Variants in RAPGEF2 observed in about 807,000 individuals in gnomAD.
The protein encoded by RAPGEF2 is PDZ domain containing guanine nucleotide exchange factor (GEF) 1.
RAPGEF2 carries 54 observed loss-of-function variants against 186.7 expected under a neutral mutation model. The ratio of observed to expected loss-of-function variants is 0.29; its 90% confidence interval spans 0.23 to 0.36. The LOEUF (loss-of-function observed/expected upper bound fraction) is 0.36, where lower values mean the gene tolerates loss of function less well. RAPGEF2 is among the 10% of genes least tolerant of loss of function. The pLI is 1.00. For synonymous variants in RAPGEF2, 712 were observed against 705.9 expected (o/e 1.01, Z -0.14); for missense variants, 1,532 against 2,045.0 (o/e 0.75, Z 4.84).
At chr4:159,327,071 A>C (rs1444638035) in intron 11 of RAPGEF2, 2 of 152,218 alleles carry the variant, frequency 1.3e-5, no homozygotes, top group Non-Finnish European at 2.9e-5. Context: ...TGTAAGAAAC[A>C]GTTTTGGATG....
intron 1 of RAPGEF2, among the ~76,000 whole-genome samples, chr4:159,160,224 C>G (rs2111216231): frequency 2.0e-5 from 3 of 152,288 alleles, no homozygotes; most frequent in Middle Eastern, 6.8e-3. Flanking sequence ...TCTTTCCTAT[C>G]AACAACTGAT....
intron 7 of RAPGEF2, among the ~76,000 whole-genome samples, chr4:159,269,472 G>C (rs1179796578): frequency 6.6e-6 from 1 of 152,072 alleles, no homozygotes; most frequent in Non-Finnish European, 1.5e-5. Flanking sequence ...AGTAGGAAAG[G>C]TTGTTGTAAA....
chr4:159,283,194 A>G (rs1258659553), intron 7 of RAPGEF2, among the ~76,000 whole-genome samples: 3 of 152,166 alleles, frequency 2.0e-5, no homozygotes, highest in Non-Finnish European at 4.4e-5. Context: ...AATGATATAC[A>G]TAGTACCTTT....
intron 2 of RAPGEF2, among the ~76,000 whole-genome samples, chr4:159,192,235 C>G (rs543539721): frequency 5.3e-5 from 8 of 152,256 alleles, no homozygotes; most frequent in Admixed American, 1.3e-4. Context: ...TGAGAATCAG[C>G]TGCAATGTTT....
intron 7 of RAPGEF2, among the ~76,000 whole-genome samples, chr4:159,247,457 G>C (rs1754773939): frequency 6.6e-6 from 1 of 152,204 alleles, no homozygotes; most frequent in African/African-American, 2.4e-5. Context: ...CAAAGACTTA[G>C]AGGTTGAGTG....
intron 7 of RAPGEF2, among the ~76,000 whole-genome samples, chr4:159,273,642 CTTT>C (rs1561188511): frequency 3.4e-4 from 37 of 109,568 alleles, no homozygotes; most frequent in African/African-American, 1.3e-3. Context: ...TTCTTTCTTT[CTTT>C]CTTTCTTTCT....
rs531953690 is a variant in RAPGEF2, at chr4:159,277,458, C to G, written c.544-26884C>G. On this transcript the variant is annotated intron_variant, in intron 7 of 29. Coordinates refer to ENST00000691494, the MANE Select transcript of RAPGEF2 (RefSeq NM_001394067.2). ...ATATACCCAGTAATGGGATTGCTGG[C>G]TCAAATGGTATTTCTAGTTCTGGAT... Among the ~76,000 whole-genome samples, 13 of 152,264 alleles carry G rather than the reference C, an allele frequency of 8.5e-5. No homozygotes were observed. The South Asian group carries it at 1.2e-3, about 15-fold the overall frequency.
intron 3 of RAPGEF2, among the ~76,000 whole-genome samples, chr4:159,205,738 C>T (rs1045516563): frequency 1.3e-5 from 2 of 152,090 alleles, no homozygotes; most frequent in African/African-American, 4.8e-5. Context: ...TTCGCCTTCC[C>T]CCATGATTGT....
intron 1 of RAPGEF2, among the ~76,000 whole-genome samples, chr4:159,167,894 A>C (rs1236852466): frequency 6.6e-6 from 1 of 152,260 alleles, no homozygotes; most frequent in African/African-American, 2.4e-5. Flanking sequence ...ATGTAGTGGT[A>C]GATTTACTTC....
intron 4 of RAPGEF2, chr4:159,228,185 T>C (rs1306070922): frequency 6.6e-6 from 1 of 152,216 alleles, no homozygotes; most frequent in Non-Finnish European, 1.5e-5. Flanking sequence ...AGCAGGAAAT[T>C]AGCCGTCAGA....
chr4:159,183,298 T>C (rs1424474079), intron 1 of RAPGEF2, among the ~76,000 whole-genome samples: 5 of 152,350 alleles, frequency 3.3e-5, no homozygotes, highest in Admixed American at 3.3e-4. Flanking sequence ...TCAGTGAGCA[T>C]ACCATTACAG....
chr4:159,193,119 GT>G, intron 2 of RAPGEF2, 80 bp from the exon 3 acceptor site: 1 of 677,708 alleles, frequency 1.5e-6, no homozygotes, highest in Non-Finnish European at 2.2e-6. Flanking sequence ...TTTCTAGACT[GT>G]ATGTGTCATT....
At chr4:159,269,632 C>T (rs902419511) in intron 7 of RAPGEF2, among the ~76,000 whole-genome samples, 1 of 152,066 alleles carries the variant, frequency 6.6e-6, no homozygotes, top group Non-Finnish European at 1.5e-5. Context: ...TTTTTACTTA[C>T]CTTTTTCATA....
At chr4:159,207,708 C>T (rs755167317) in intron 3 of RAPGEF2, among the ~76,000 whole-genome samples, 14 of 152,282 alleles carry the variant, frequency 9.2e-5, no homozygotes, top group East Asian at 3.9e-4. Flanking sequence ...CTTGGGCTAA[C>T]GTTTTTTGTG....
At chr4:159,294,514 A>C (rs932393550) in intron 7 of RAPGEF2, among the ~76,000 whole-genome samples, 1 of 152,216 alleles carries the variant, frequency 6.6e-6, no homozygotes, top group Non-Finnish European at 1.5e-5. Context: ...TTTCTATATT[A>C]ATTAGTATTA....
chr4:159,151,949 G>T (rs1238557503), intron 1 of RAPGEF2, among the ~76,000 whole-genome samples: 1 of 152,190 alleles, frequency 6.6e-6, no homozygotes, highest in East Asian at 1.9e-4. Context: ...GGAAGGAGCT[G>T]TTGAGGAGCA....
intron 7 of RAPGEF2, among the ~76,000 whole-genome samples, chr4:159,270,223 T>C (rs1432221791): frequency 1.3e-5 from 2 of 152,220 alleles, no homozygotes; most frequent in Admixed American, 1.3e-4. Context: ...TGACTAGTCC[T>C]TTGGTTCTAT....
intron 1 of RAPGEF2, among the ~76,000 whole-genome samples, chr4:159,146,392 G>A (rs1488991646): frequency 1.3e-5 from 2 of 150,954 alleles, no homozygotes; most frequent in African/African-American, 2.4e-5. Context: ...TGCATTGTAG[G>A]GATTATTAGG....
intron 4 of RAPGEF2, among the ~76,000 whole-genome samples, chr4:159,215,425 A>AG (rs1750908522): frequency 6.6e-6 from 1 of 151,998 alleles, no homozygotes; most frequent in African/African-American, 2.4e-5. Flanking sequence ...TGATCCTCCC[A>AG]CCTTGACCTC....
Sources: allele counts gnomAD v4.1 joint callset (sites outside exome capture counted in the v4.1 genomes callset), GRCh38; gene constraint gnomAD v4.1.1; transcripts MANE v1.5; gene names NCBI Gene and HGNC (gene_info 2026-07-23, HGNC 2026-07-21).